The following API5 variants were observed in gnomAD, a reference collection of about 807,000 sequenced individuals.
API5 encodes the protein apoptosis inhibitor 5.
API5 carries 6 observed loss-of-function variants against 71.9 expected under a neutral mutation model. The observed-to-expected ratio is 0.08, with a 90% CI of 0.05 to 0.16. The LOEUF (loss-of-function observed/expected upper bound fraction) is 0.16. Among genes scored for constraint, API5 ranks in the 10% least tolerant of loss-of-function variants. The pLI, the probability that API5 is intolerant of heterozygous loss-of-function variation, is 1.00. For synonymous variants in API5, 189 were observed against 221.3 expected, an observed-to-expected ratio of 0.85 and a Z score of 1.30; for missense variants, 332 against 612.8, an observed-to-expected ratio of 0.54 and a Z score of 4.84.
intron 1 of API5, among the ~76,000 whole-genome samples, chr11:43,315,656 T>C (rs1334964850): frequency 6.6e-6 from 1 of 152,128 alleles, no homozygotes; most frequent in African/African-American, 2.4e-5. Flanking sequence ...ATTTAATACC[T>C]CAAATCTTCC....
At chr11:43,328,521 G>A (rs779235843) in intron 8 of API5, among the ~76,000 whole-genome samples, 191 bp from the exon 9 acceptor site, 5 of 152,186 alleles carry the variant, frequency 3.3e-5, no homozygotes, top group Non-Finnish European at 5.9e-5. Flanking sequence ...AACAGCAGCT[G>A]TAACAGGTTA....
At chr11:43,332,354 A>T (rs1381458059) in intron 11 of API5, among the ~76,000 whole-genome samples, 1 of 152,116 alleles carries the variant, frequency 6.6e-6, no homozygotes, top group African/African-American at 2.4e-5. Context: ...GTCCCACAAG[A>T]CCACTTCTGA....
At chr11:43,332,312 G>A (rs1855284695) in intron 11 of API5, among the ~76,000 whole-genome samples, 1 of 152,108 alleles carries the variant, frequency 6.6e-6, no homozygotes, top group Admixed American at 6.6e-5. Context: ...TCTACCTAGA[G>A]GTAGCATCAG....
chr11:43,312,336 C>A, intron 1 of API5, 140 bp downstream of exon 1: 1 of 869,944 alleles, frequency 1.1e-6, no homozygotes, highest in Non-Finnish European at 1.8e-6. Flanking sequence ...GCCGTCTCGT[C>A]GGGGTGGGCC....
rs558491344 is a variant in API5 at position 43,312,017 on chromosome 11, G to C, written c.-111G>C. Reference sequence around the variant, plus strand: ...CGCGGTGACTGGCGGCTGCACTGGCGGCAGCTGGAGGTGTAATAGTGCGGG... The same window carrying C: ...CGCGGTGACTGGCGGCTGCACTGGCCGCAGCTGGAGGTGTAATAGTGCGGG... On this transcript the variant is annotated 5_prime_UTR_variant, in exon 1 of 14. Transcript: ENST00000531273. 4.1e-6 allele frequency: 5 copies of C among 1,219,030 alleles called. No individual in the cohort carries two copies. Among genetic ancestry groups the C allele is most frequent in the South Asian group, 1.4e-5 (1 of 72,616 alleles). 75.5% of individuals were successfully genotyped at this position (1,219,030 alleles called of 1,614,324 possible).
chr11:43,318,883 T>C (rs1455234430), intron 2 of API5, 82 bp downstream of exon 2: 11 of 1,367,104 alleles, frequency 8.0e-6, no homozygotes, highest in East Asian at 6.9e-5. Context: ...CAATCTGATA[T>C]ATCAGAGTAC....
chr11:43,312,335 T>C, intron 1 of API5, 139 bp downstream of exon 1: 1 of 896,132 alleles, frequency 1.1e-6, no homozygotes, highest in East Asian at 2.7e-5. Context: ...GGCCGTCTCG[T>C]CGGGGTGGGC....
intron 2 of API5, among the ~76,000 whole-genome samples, chr11:43,319,428 A>C (rs962830910): frequency 1.5e-4 from 23 of 152,070 alleles, no homozygotes; most frequent in African/African-American, 5.3e-4. Context: ...TAAACCCTAT[A>C]CTTTTTTTGC....
chr11:43,333,319 T>C (rs1341566838), intron 11 of API5, among the ~76,000 whole-genome samples: 1 of 152,196 alleles, frequency 6.6e-6, no homozygotes, highest in Non-Finnish European at 1.5e-5. Context: ...ATTAAAAGTC[T>C]CAGGGTCCAA....
At chr11:43,314,051 T>G (rs1301571128) in intron 1 of API5, among the ~76,000 whole-genome samples, 2 of 151,364 alleles carry the variant, frequency 1.3e-5, no homozygotes, top group African/African-American at 4.9e-5. Context: ...ATCGGGCCAC[T>G]GCACTCCAGC....
chr11:43,319,328 C>T (rs1854783983), intron 2 of API5, among the ~76,000 whole-genome samples: 1 of 152,156 alleles, frequency 6.6e-6, no homozygotes, highest in South Asian at 2.1e-4. Context: ...TGGCTGCTGA[C>T]ACAGGTTCCT....
Position 43,320,831 on chromosome 11 carries a change from A to C in API5, c.242A>C (p.Gln81Pro). Residue 81 changes from glutamine to proline, a missense_variant, in exon 3 of 14, where the codon CAA (glutamine) becomes CCA (proline). Physicochemically the swap from Gln to Pro is moderately conservative, Grantham distance 76 (BLOSUM62 -1). Transcript: ENST00000531273. ...TGAAATCATGCCCAGATTCGACGTC[A>C]AGCAATTAAAGAACTGCCTCAATTT... ...CEDEDVSIRR[Q>P]AIKELPQFAT... is the part of the protein sequence containing the mutation. 1 of 1,611,958 alleles carries C rather than the reference A, an allele frequency of 6.2e-7. No homozygotes were observed. The highest frequency in any genetic ancestry group is 8.5e-7 in the Non-Finnish European group (1 of 1,179,868).
At chr11:43,329,473 T>G (rs1255027710) in intron 9 of API5, 2 of 154,992 alleles carry the variant, frequency 1.3e-5, no homozygotes, top group Non-Finnish European at 2.9e-5. Flanking sequence ...CTAACCTCTC[T>G]TGGCTCCCCC....
At chr11:43,322,627 A>C (rs904017902) in intron 5 of API5, among the ~76,000 whole-genome samples, 1 of 152,204 alleles carries the variant, frequency 6.6e-6, no homozygotes, top group Admixed American at 6.5e-5. Flanking sequence ...AAGGTGCGTC[A>C]CAATTAACTT....
At chr11:43,314,812 A>C (rs1009510032) in intron 1 of API5, among the ~76,000 whole-genome samples, 2 of 152,192 alleles carry the variant, frequency 1.3e-5, no homozygotes, top group African/African-American at 4.8e-5. Context: ...CTTTTAGATA[A>C]AATGCCTAAA....
chr11:43,316,329 T>C (rs1366981732), intron 1 of API5, among the ~76,000 whole-genome samples: 1 of 152,202 alleles, frequency 6.6e-6, no homozygotes, highest in Non-Finnish European at 1.5e-5. Flanking sequence ...GATTCCTTTT[T>C]ATTTGATTCC....
chr11:43,312,424 C>T (rs1181926043), intron 1 of API5, among the ~76,000 whole-genome samples: 2 of 152,166 alleles, frequency 1.3e-5, no homozygotes, highest in Admixed American at 1.3e-4. Context: ...CTCCCTTGCC[C>T]AGCCTTTTCT....
At chr11:43,333,983 A>G (rs986450487) in intron 11 of API5, among the ~76,000 whole-genome samples, 19 of 152,152 alleles carry the variant, frequency 1.2e-4, no homozygotes, top group African/African-American at 4.6e-4. Flanking sequence ...GCTTTTTTAG[A>G]ATTTTATGCA....
At chr11:43,318,608 ATG>A (rs1205242757) in intron 1 of API5, 30 bp from the exon 2 acceptor site, 3 of 1,606,426 alleles carry the variant, frequency 1.9e-6, no homozygotes, top group East Asian at 4.5e-5. Context: ...CTTCAAAATC[ATG>A]TGTCTTTCCT....
Sources: allele counts gnomAD v4.1 joint callset (sites outside exome capture counted in the v4.1 genomes callset), GRCh38; gene constraint gnomAD v4.1.1; transcripts MANE v1.5; gene names NCBI Gene and HGNC (gene_info 2026-07-23, HGNC 2026-07-21).